The following NPSR1 variants were observed in gnomAD, a reference collection of about 807,000 sequenced individuals.
NPSR1 encodes neuropeptide S receptor 1, also known as neuropeptide S receptor.
A neutral mutation model predicts 46.9 loss-of-function variants in NPSR1; 48 were observed. The ratio of observed to expected loss-of-function variants is 1.02; its 90% CI spans 0.81 to 1.30. The LOEUF is 1.30. Among genes scored for constraint, NPSR1 ranks in the 50% most tolerant of loss-of-function variants. The pLI, the probability that NPSR1 is intolerant of heterozygous loss-of-function variation, is 0.00. For missense variants in NPSR1, 450 were observed against 449.5 expected, an observed-to-expected ratio of 1.00 and a Z score of -0.01; for synonymous variants, 176 against 168.1, an observed-to-expected ratio of 1.05 and a Z score of -0.36.
chr7:34,850,398 C>CTT (rs756462912), downstream of NPSR1, among the ~76,000 whole-genome samples: 256 of 113,026 alleles, frequency 2.3e-3, 3 homozygotes, highest in South Asian at 3.8e-3. Flanking sequence ...TCCTTGAGGC[C>CTT]TTTTTTTTTT....
At chr7:34,823,145 C>A (rs955097034) in intron 4 of NPSR1, among the ~76,000 whole-genome samples, 1 of 152,086 alleles carries the variant, frequency 6.6e-6, no homozygotes, top group Non-Finnish European at 1.5e-5. Context: ...AATCCCAGCA[C>A]TTCGGGAGGC....
chr7:34,865,302 A>G lies in NPSR1; in HGVS notation c.1026-12774A>G, dbSNP rs575391013. On this transcript the variant is annotated intron_variant, in intron 8 of 8. Transcript: ENST00000359791. ...CCTGATACACCCACAAAATCTCTGG[A>G]AGGGCTGATGCGGGACAGGTTTTCC... Among the ~76,000 whole-genome samples, 5 of 151,898 alleles carry G rather than the reference A, an allele frequency of 3.3e-5. No homozygotes were observed. In the South Asian group the frequency reaches 1.0e-3, roughly 32 times the overall value.
At position 34,844,915 on chromosome 7, in the gene NPSR1, C is replaced by T. The variant is rs1790691578; in HGVS notation, c.777C>T (p.Ser259=). The part of the protein sequence containing the change: ...SNCSDGKLCS[S]YNRGLISKAK... ...CTACAGATGGGAAACTGTGCAGCAG[C>T]TATAACCGAGGACTCATCTCAAAGG... Residue 259 remains serine (S), a synonymous_variant, in exon 7 of 9, where the codon AGC becomes AGT. Coordinates refer to ENST00000360581, the MANE Select transcript of NPSR1 (RefSeq NM_207172.2). 2.5e-6 allele frequency: 4 copies of T among 1,609,952 alleles called. No individual in the cohort carries two copies. The highest frequency in any genetic ancestry group is 3.4e-6 in the Non-Finnish European group (4 of 1,176,206).
intron 8 of NPSR1, 150 bp downstream of exon 8, chr7:34,848,813 T>A: frequency 2.7e-6 from 2 of 733,100 alleles, no homozygotes; most frequent in Non-Finnish European, 4.4e-6. Flanking sequence ...AAGATTCCAC[T>A]AACATGGCTG....
intron 7 of NPSR1, chr7:34,845,583 C>G (rs759464003): frequency 8.3e-5 from 38 of 455,830 alleles, no homozygotes; most frequent in South Asian, 5.9e-4. Flanking sequence ...TCCCTGAGGG[C>G]TCCTTGATAA....
chr7:34,844,018 C>T (rs1466566280), intron 6 of NPSR1, among the ~76,000 whole-genome samples: 1 of 152,224 alleles, frequency 6.6e-6, no homozygotes, highest in African/African-American at 2.4e-5. Context: ...GGCCCCTTTT[C>T]CAAAACTTCA....
At chr7:34,856,684 C>G (rs1343320427) in intron 8 of NPSR1, among the ~76,000 whole-genome samples, 2 of 151,704 alleles carry the variant, frequency 1.3e-5, no homozygotes, top group African/African-American at 4.9e-5. Flanking sequence ...TTGTTTGTGA[C>G]AAAAGTCTGT....
intron 2 of NPSR1, among the ~76,000 whole-genome samples, chr7:34,754,307 T>G (rs1270166063): frequency 6.6e-6 from 1 of 152,344 alleles, no homozygotes; most frequent in Non-Finnish European, 1.5e-5. Context: ...TAGACTCTGT[T>G]TGATGTAAGA....
intron 2 of NPSR1, among the ~76,000 whole-genome samples, chr7:34,728,260 G>A (rs1784257246): frequency 6.6e-6 from 1 of 152,142 alleles, no homozygotes; most frequent in African/African-American, 2.4e-5. Context: ...AATAAAAGGT[G>A]TACAAGGTGC....
In NPSR1 at chr7:34,745,397, T is replaced by C. The variant is rs564062523; in HGVS notation, c.281-33065T>C. On this transcript the variant is annotated intron_variant, in intron 2 of 8. Transcript: ENST00000360581. ...AACATATTCATTGAGATTCTAACTT[T>C]ATTACAATTATTTTTTCATTTCTAA... Among the ~76,000 whole-genome samples, 9 of 152,354 alleles carry C rather than the reference T, an allele frequency of 5.9e-5. No homozygotes were observed. In the South Asian group the frequency reaches 1.2e-3, roughly 21 times the overall value.
chr7:34,829,065 G>A (rs770168803), intron 5 of NPSR1, among the ~76,000 whole-genome samples: 5 of 152,134 alleles, frequency 3.3e-5, no homozygotes, highest in Non-Finnish European at 7.4e-5. Flanking sequence ...CTGATACAGT[G>A]GGAGTCACCT....
chr7:34,707,757 C>T (rs1794180929), intron 2 of NPSR1, among the ~76,000 whole-genome samples: 1 of 152,174 alleles, frequency 6.6e-6, no homozygotes, highest in Non-Finnish European at 1.5e-5. Flanking sequence ...AAGTCTCATC[C>T]TAAGCCTTGC....
chr7:34,847,040 A>G (rs779558209), intron 7 of NPSR1, among the ~76,000 whole-genome samples: 6 of 152,200 alleles, frequency 3.9e-5, no homozygotes, highest in Admixed American at 6.5e-5. Flanking sequence ...AATACTGTTC[A>G]GCGCCAGTGT....
intron 2 of NPSR1, among the ~76,000 whole-genome samples, chr7:34,704,972 T>C (rs182715457): frequency 1.3e-5 from 2 of 152,340 alleles, no homozygotes; most frequent in East Asian, 3.9e-4. Context: ...TTTATGTATA[T>C]GGTCTGGCCA....
intron 3 of NPSR1, chr7:34,779,515 T>C: frequency 1.0e-6 from 1 of 972,188 alleles, no homozygotes; most frequent in Non-Finnish European, 1.4e-6. Flanking sequence ...AAAATTTTAA[T>C]TTTTTTCATT....
chr7:34,859,129 C>T (rs1370291529), intron 8 of NPSR1, among the ~76,000 whole-genome samples: 5 of 151,664 alleles, frequency 3.3e-5, no homozygotes, highest in Non-Finnish European at 5.9e-5. Flanking sequence ...ACAGCAGAGA[C>T]AGCTGAAAGA....
At chr7:34,872,737 G>A (rs1791487642) in intron 8 of NPSR1, among the ~76,000 whole-genome samples, 3 of 151,718 alleles carry the variant, frequency 2.0e-5, no homozygotes, top group South Asian at 2.1e-4. Context: ...GGTCTCATGA[G>A]ACTTATTCAC....
chr7:34,719,894 C>T (rs890610271), intron 2 of NPSR1: 4 of 151,772 alleles, frequency 2.6e-5, no homozygotes, highest in South Asian at 2.1e-4. Flanking sequence ...GAGGAACTGA[C>T]ACTAATTGTA....
At position 34,870,408 on chromosome 7, in the gene NPSR1, C is replaced by T. The variant is rs150632787; in HGVS notation, c.1026-7668C>T. ...TCTTATTTTAACAGCTGTCATCAGA[C>T]TTCATTTTAGGAAAGGAATCAAGTA... On this transcript the variant is annotated intron_variant, in intron 8 of 8. Transcript: ENST00000359791. Among the ~76,000 whole-genome samples the T allele has an allele frequency of 1.1e-3, 160 of 151,882 alleles. 1 individual carries two copies. In the East Asian group the frequency reaches 0.024, roughly 23 times the overall value.
Sources: gnomAD v4.1 joint callset for allele counts (sites outside exome capture counted in the v4.1 genomes callset) on GRCh38, gnomAD v4.1.1 for gene constraint, MANE v1.5 for transcripts, NCBI Gene and HGNC (gene_info 2026-07-23, HGNC 2026-07-21) for gene names.